Variants in CEP120 observed in about 807,000 individuals in gnomAD.
CEP120 encodes the protein centrosomal protein of 120 kDa.
CEP120 carries 113 observed loss-of-function variants against 126.5 expected under a neutral mutation model. The observed-to-expected ratio is 0.89, with a 90% CI of 0.77 to 1.04. The LOEUF is 1.04. Ranked by LOEUF, CEP120 falls within the 50% of genes least tolerant of loss-of-function variation. CEP120 has a pLI of 0.00. For synonymous variants in CEP120, 400 were observed against 394.3 expected (o/e 1.01, Z -0.17); for missense variants, 1,230 against 1,155.7 (o/e 1.06, Z -0.93).
intron 4 of CEP120, chr5:123,402,110 C>T (rs1773289680): frequency 6.3e-7 from 1 of 1,577,724 alleles, no homozygotes; most frequent in African/African-American, 1.3e-5. Flanking sequence ...GGTCCACCTC[C>T]AGGACAAGGG....
intron 11 of CEP120, 101 bp downstream of exon 11, chr5:123,384,850 A>C: frequency 1.0e-6 from 1 of 997,192 alleles, no homozygotes; most frequent in African/African-American, 1.6e-5. Flanking sequence ...GTGGTGGATC[A>C]GAAAAAAGAG....
chr5:123,381,983 C>G, intron 14 of CEP120, 128 bp downstream of exon 14: 1 of 616,936 alleles, frequency 1.6e-6, no homozygotes, highest in Non-Finnish European at 2.7e-6. Flanking sequence ...AGCCACCACT[C>G]ACTTCTTCCA....
rs1580744358 is a variant in CEP120 at position 123,416,216 on chromosome 5, A to C, written c.207-92T>G. Reference sequence around the variant, plus strand: ...ATTTCCTATTATCAAGATACTTATAATTTTGTTGGATAAAACTGTAACTAT... The same window carrying C: ...ATTTCCTATTATCAAGATACTTATACTTTTGTTGGATAAAACTGTAACTAT... On this transcript the variant is annotated intron_variant, in intron 2 of 19. Transcript: ENST00000306467. 6.9e-6 allele frequency: 5 copies of C among 729,920 alleles called. No homozygotes were observed. In the East Asian group the frequency reaches 1.4e-4, roughly 20 times the overall value. The allele number at this position is 729,920 out of a possible 1,614,324, so 45.2% of individuals were successfully genotyped here. A position where few individuals can be genotyped will look rare whatever the true frequency, so the allele number is the denominator to read the frequency against.
At chr5:123,400,446 G>A (rs1480066160) in intron 4 of CEP120, among the ~76,000 whole-genome samples, 1 of 152,054 alleles carries the variant, frequency 6.6e-6, no homozygotes, top group Non-Finnish European at 1.5e-5. Context: ...AAATAAGTAT[G>A]ACATGTTCTC....
In CEP120 at chr5:123,386,525, A is replaced by AG. The variant is rs1772027259; in HGVS notation, c.1572dup (p.Phe525LeufsTer9). On this transcript the variant is annotated frameshift_variant, in exon 10 of 20. Transcript: ENST00000306467. LOFTEE classifies it high-confidence loss of function. ...ATACACTGTATGCATTACCTTAAGA[A>AG]GGTGTCTTGCAGCTGATGAGGCATA... 6.4e-7 allele frequency: 1 copy of AG among 1,564,542 alleles called. No individual in the cohort carries two copies. Among genetic ancestry groups the AG allele is most frequent in the South Asian group, 1.2e-5 (1 of 82,036 alleles).
intron 4 of CEP120, among the ~76,000 whole-genome samples, chr5:123,410,353 T>C (rs1056713342): frequency 1.3e-5 from 2 of 152,236 alleles, no homozygotes; most frequent in South Asian, 4.1e-4. Flanking sequence ...TAAGTTTATA[T>C]GGAGAAGCAA....
chr5:123,422,860 G>A, intron 1 of CEP120, 90 bp downstream of exon 1: 1 of 1,181,728 alleles, frequency 8.5e-7, no homozygotes. Context: ...CAGATGACAG[G>A]GTTCTTAAGG....
chr5:123,405,018 C>T (rs1395292454), intron 4 of CEP120, among the ~76,000 whole-genome samples: 1 of 152,176 alleles, frequency 6.6e-6, no homozygotes, highest in South Asian at 2.1e-4. Flanking sequence ...CAGTCTGGCA[C>T]ATAGAGCTTA....
chr5:123,415,522 A>C (rs961730010), intron 3 of CEP120, among the ~76,000 whole-genome samples: 1 of 152,234 alleles, frequency 6.6e-6, no homozygotes, highest in African/African-American at 2.4e-5. Context: ...GTTCTTGGTC[A>C]AGGAAATCAC....
chr5:123,348,959 T>G (rs553607433), intron 19 of CEP120, among the ~76,000 whole-genome samples: 13 of 152,112 alleles, frequency 8.5e-5, no homozygotes, highest in Non-Finnish European at 1.8e-4. Flanking sequence ...ATCTACCCAG[T>G]CTGTGGTATT....
chr5:123,383,910 A>G (rs746641258), intron 11 of CEP120, among the ~76,000 whole-genome samples: 5 of 152,150 alleles, frequency 3.3e-5, no homozygotes, highest in Admixed American at 6.5e-5. Context: ...TGGTTCTCAC[A>G]CAATTAGAAC....
chr5:123,372,859 T>A (rs538052869), intron 16 of CEP120, 87 bp from the exon 17 acceptor site: 7 of 1,054,658 alleles, frequency 6.6e-6, no homozygotes, highest in African/African-American at 6.5e-5. Flanking sequence ...TCTTTTTTTT[T>A]ATTCTACAGC....
intron 16 of CEP120, among the ~76,000 whole-genome samples, chr5:123,373,472 A>T (rs1344444384): frequency 2.6e-5 from 4 of 152,078 alleles, no homozygotes; most frequent in African/African-American, 9.7e-5. Context: ...AGTCTAGAGC[A>T]ATTGCCCAGT....
intron 1 of CEP120, among the ~76,000 whole-genome samples, 180 bp downstream of exon 1, chr5:123,422,770 C>G (rs1397715515): frequency 6.6e-6 from 1 of 152,222 alleles, no homozygotes; most frequent in Non-Finnish European, 1.5e-5. Flanking sequence ...GCTCATATCC[C>G]TGGAGAGATT....
rs780184609 is a variant in CEP120, at chr5:123,349,984, C to G, written c.2686G>C (p.Glu896Gln). ...CTTATATCCAACAATTCTTGTCGCT[C>G]GGTTTTTACTGTATCTTTTTCCTCA... ...AAEEKDTVKT[E>Q]RQELLDIRNE... The change falls in exon 19 of 20, where the codon GAG becomes CAG. Residue 896 changes from glutamate to glutamine, a missense_variant. Transcript: ENST00000306467. 1 of 1,613,632 alleles carries G rather than the reference C, an allele frequency of 6.2e-7. No individual in the cohort carries two copies. Among genetic ancestry groups the G allele is most frequent in the Non-Finnish European group, 8.5e-7 (1 of 1,179,838 alleles).
At position 123,418,276 on chromosome 5, in the gene CEP120, A is replaced by G. The variant is rs187272764; in HGVS notation, c.206+83T>C. 8.0e-4 allele frequency: 1,034 copies of G among 1,291,936 alleles called. 2 individuals carry two copies. The highest frequency in any genetic ancestry group is 9.4e-4 in the Non-Finnish European group (900 of 957,152). 80.0% of individuals were successfully genotyped at this position (1,291,936 alleles called of 1,614,324 possible). A position where few individuals can be genotyped will look rare whatever the true frequency, so the allele number is the denominator to read the frequency against. ...TCCGAAAATACTTCTGGTCCCAAGTATTAAATACTCAAACTGTATTTATTT... is the reference window on the plus strand; with the variant it reads ...TCCGAAAATACTTCTGGTCCCAAGTGTTAAATACTCAAACTGTATTTATTT... On this transcript the variant is annotated intron_variant, in intron 2 of 19. Coordinates refer to ENST00000306467, the MANE Select transcript of CEP120 (RefSeq NM_001375405.1).
At chr5:123,412,332 C>T (rs1292406395) in intron 4 of CEP120, 67 bp downstream of exon 4, 7 of 1,497,196 alleles carry the variant, frequency 4.7e-6, no homozygotes, top group Non-Finnish European at 6.3e-6. Flanking sequence ...ATAACACTCC[C>T]GCTTCCTAAA....
chr5:123,352,485 T>C (rs1479875207), intron 18 of CEP120, among the ~76,000 whole-genome samples: 2 of 152,062 alleles, frequency 1.3e-5, no homozygotes, highest in Non-Finnish European at 2.9e-5. Context: ...TTGGCAGTTA[T>C]CACCTGTCAC....
intron 5 of CEP120, among the ~76,000 whole-genome samples, chr5:123,394,379 T>C (rs945606630): frequency 2.0e-5 from 3 of 152,174 alleles, no homozygotes; most frequent in African/African-American, 7.2e-5. Context: ...AGGCATTGGA[T>C]TCTCATAAGG....
Sources: allele counts gnomAD v4.1 joint callset (sites outside exome capture counted in the v4.1 genomes callset), GRCh38; gene constraint gnomAD v4.1.1; transcripts MANE v1.5; gene names NCBI Gene and HGNC (gene_info 2026-07-23, HGNC 2026-07-21).